The following ELMO1 variants were observed in gnomAD, a reference collection of about 807,000 sequenced individuals.
ELMO1 encodes the protein engulfment and cell motility protein 1.
A neutral mutation model predicts 98.9 loss-of-function variants in ELMO1; 26 were observed. The ratio of observed to expected loss-of-function variants is 0.26; its 90% CI spans 0.19 to 0.36. The LOEUF is 0.36. ELMO1 is among the 10% of genes least tolerant of loss of function. ELMO1 has a pLI of 1.00. For missense variants in ELMO1, 627 were observed against 935.2 expected, an observed-to-expected ratio of 0.67 and a Z score of 4.30; for synonymous variants, 346 against 346.0, an observed-to-expected ratio of 1.00 and a Z score of 0.00.
intron 1 of ELMO1, among the ~76,000 whole-genome samples, chr7:37,407,536 A>C (rs912526072): frequency 6.6e-6 from 1 of 151,940 alleles, no homozygotes; most frequent in African/African-American, 2.4e-5. Flanking sequence ...ACATGGATGA[A>C]TCTTAAGTGC....
At chr7:37,256,325 G>A (rs1468891370) in intron 6 of ELMO1, among the ~76,000 whole-genome samples, 2 of 151,872 alleles carry the variant, frequency 1.3e-5, no homozygotes, top group Non-Finnish European at 2.9e-5. Context: ...CCTGTTTGTC[G>A]GTCTTCTCTG....
chr7:37,368,263 T>G (rs1801981200), intron 1 of ELMO1, among the ~76,000 whole-genome samples: 1 of 152,166 alleles, frequency 6.6e-6, no homozygotes, highest in African/African-American at 2.4e-5. Context: ...TAATAAGGCT[T>G]TATCAAGGTT....
intron 1 of ELMO1, among the ~76,000 whole-genome samples, chr7:37,406,880 T>A (rs1803793432): frequency 6.6e-6 from 1 of 152,200 alleles, no homozygotes; most frequent in South Asian, 2.1e-4. Flanking sequence ...GTAAGATAGA[T>A]ACCCACATTC....
At chr7:37,291,065 C>T (rs1797655666) in intron 4 of ELMO1, among the ~76,000 whole-genome samples, 1 of 152,050 alleles carries the variant, frequency 6.6e-6, no homozygotes, top group African/African-American at 2.4e-5. Context: ...CCTATATTCA[C>T]AAAACCTTGA....
intron 18 of ELMO1, among the ~76,000 whole-genome samples, chr7:36,878,885 G>A (rs889410842): frequency 2.2e-4 from 33 of 152,164 alleles, no homozygotes; most frequent in African/African-American, 7.7e-4. Flanking sequence ...GAGGCAAAGA[G>A]CACTTTTTAT....
At chr7:37,151,506 T>C (rs1032823924) in intron 13 of ELMO1, among the ~76,000 whole-genome samples, 1 of 152,132 alleles carries the variant, frequency 6.6e-6, no homozygotes, top group Non-Finnish European at 1.5e-5. Flanking sequence ...CCTGTAAATA[T>C]TCAGGGTAAA....
chr7:36,988,988 GA>G (rs1287423282), intron 16 of ELMO1, among the ~76,000 whole-genome samples: 1 of 152,152 alleles, frequency 6.6e-6, no homozygotes, highest in African/African-American at 2.4e-5. Flanking sequence ...AAACCTGATT[GA>G]AACAATCTAT....
intron 16 of ELMO1, among the ~76,000 whole-genome samples, chr7:36,936,986 A>G (rs1409428288): frequency 6.6e-6 from 1 of 152,110 alleles, no homozygotes; most frequent in Admixed American, 6.5e-5. Context: ...CCAGGGATCT[A>G]CTTCAGTTTT....
chr7:37,187,120 C>A (rs1320141118), intron 13 of ELMO1, among the ~76,000 whole-genome samples: 1 of 152,102 alleles, frequency 6.6e-6, no homozygotes, highest in African/African-American at 2.4e-5. Context: ...AGAATAAAAT[C>A]AGACAATAAG....
At position 37,279,487 on chromosome 7, in the gene ELMO1, C is replaced by G. The variant is rs537524680; in HGVS notation, c.193-7605G>C. ...GAAGCAGACTGGCTCCTGCAATACC[C>G]GGGAGACACCCCAAATACTGTGAGT... is the stretch of plus-strand genomic sequence containing the variant. On this transcript the variant is annotated intron_variant, in intron 4 of 21. Coordinates refer to ENST00000310758, the MANE Select transcript of ELMO1 (RefSeq NM_014800.11). Among the ~76,000 whole-genome samples, 11 of 152,282 alleles carry G rather than the reference C, an allele frequency of 7.2e-5. No homozygotes were observed. The South Asian group carries it at 2.3e-3, about 32-fold the overall frequency.
chr7:36,857,380 C>CT (rs5883586), intron 21 of ELMO1, among the ~76,000 whole-genome samples: 1,996 of 152,256 alleles, frequency 0.013, 56 homozygotes, highest in African/African-American at 0.045. Context: ...CTAGAAAACT[C>CT]TAACGAACAC....
chr7:37,062,074 A>G (rs1024952097), intron 15 of ELMO1, among the ~76,000 whole-genome samples: 2 of 152,232 alleles, frequency 1.3e-5, no homozygotes, highest in Non-Finnish European at 2.9e-5. Context: ...AGGCCATTTG[A>G]TTTGATAATA....
chr7:37,089,523 T>C (rs147330272), intron 15 of ELMO1, among the ~76,000 whole-genome samples: 10 of 152,290 alleles, frequency 6.6e-5, no homozygotes, highest in African/African-American at 2.4e-4. Context: ...ATTGAAGAAG[T>C]GGAAATATCC....
intron 6 of ELMO1, among the ~76,000 whole-genome samples, chr7:37,245,160 C>T (rs1051835346): frequency 6.6e-6 from 1 of 152,132 alleles, no homozygotes; most frequent in Non-Finnish European, 1.5e-5. Flanking sequence ...TCATTCTAGG[C>T]TCATTCTGGG....
chr7:36,888,964 G>A (rs1049417713), intron 17 of ELMO1, among the ~76,000 whole-genome samples: 5 of 152,086 alleles, frequency 3.3e-5, no homozygotes, highest in African/African-American at 9.7e-5. Flanking sequence ...ACAGCTTTTG[G>A]GGAAAGTATT....
At chr7:37,214,625 A>C (rs1262175331) in intron 11 of ELMO1, among the ~76,000 whole-genome samples, 3 of 152,120 alleles carry the variant, frequency 2.0e-5, no homozygotes, top group Non-Finnish European at 4.4e-5. Context: ...GAGGAATGAG[A>C]GAATACAGTC....
chr7:37,220,036 C>T (rs1793508121), intron 10 of ELMO1, among the ~76,000 whole-genome samples: 1 of 152,232 alleles, frequency 6.6e-6, no homozygotes, highest in South Asian at 2.1e-4. Flanking sequence ...CTAAGGCATA[C>T]AAGCTCAGCT....
At chr7:36,987,108 G>C (rs564888277) in intron 16 of ELMO1, among the ~76,000 whole-genome samples, 24 of 152,302 alleles carry the variant, frequency 1.6e-4, no homozygotes, top group African/African-American at 5.3e-4. Context: ...TGTAAGTACG[G>C]AGTGTTCAGG....
chr7:36,955,532 G>A (rs776703027), intron 16 of ELMO1, among the ~76,000 whole-genome samples: 2 of 152,164 alleles, frequency 1.3e-5, no homozygotes, highest in African/African-American at 2.4e-5. Context: ...TCTGATTTCT[G>A]AATATCTTGG....
Sources: allele counts gnomAD v4.1 joint callset (sites outside exome capture counted in the v4.1 genomes callset), GRCh38; gene constraint gnomAD v4.1.1; transcripts MANE v1.5; gene names NCBI Gene and HGNC (gene_info 2026-07-23, HGNC 2026-07-21).